The following DDX46 variants were observed in gnomAD, a reference collection of about 807,000 sequenced individuals.
DDX46 encodes the protein probable ATP-dependent RNA helicase DDX46.
Under a neutral mutation model 134.9 loss-of-function variants are expected in DDX46, and 30 were observed. The observed-to-expected ratio is 0.22, with a 90% CI of 0.17 to 0.30. The LOEUF (loss-of-function observed/expected upper bound fraction) is 0.30. Ranked by LOEUF, DDX46 falls within the 10% of genes least tolerant of loss-of-function variation. The pLI is 1.00. For synonymous variants in DDX46, 415 were observed against 404.1 expected (o/e 1.03, Z -0.32); for missense variants, 622 against 1,248.7 (o/e 0.50, Z 7.56).
intron 5 of DDX46, among the ~76,000 whole-genome samples, chr5:134,775,426 G>A (rs889950620): frequency 1.3e-5 from 2 of 151,940 alleles, no homozygotes; most frequent in African/African-American, 4.8e-5. Context: ...AAGTAGTCAT[G>A]ATGTCTTTTT....
chr5:134,812,736 C>G (rs1261662019), intron 18 of DDX46, among the ~76,000 whole-genome samples: 1 of 152,242 alleles, frequency 6.6e-6, no homozygotes, highest in African/African-American at 2.4e-5. Context: ...CTCCTGGGTT[C>G]AAGCGATTTT....
chr5:134,781,312 A>C, intron 7 of DDX46, 66 bp downstream of exon 7: 3 of 1,237,108 alleles, frequency 2.4e-6, no homozygotes, highest in Non-Finnish European at 3.4e-6. Context: ...GAAAGCATTC[A>C]TGGAGATGTG....
chr5:134,762,719 G>C (rs775016268), intron 1 of DDX46, among the ~76,000 whole-genome samples: 1 of 151,262 alleles, frequency 6.6e-6, no homozygotes, highest in Non-Finnish European at 1.5e-5. Flanking sequence ...GGCAACAAGA[G>C]TGCGACTCTG....
intron 2 of DDX46, 90 bp from the exon 3 acceptor site, chr5:134,766,827 T>A: frequency 2.1e-6 from 3 of 1,434,252 alleles, no homozygotes; most frequent in Non-Finnish European, 2.8e-6. Context: ...TGGTAGTGAT[T>A]AAGATTCTTT....
Position 134,818,113 on chromosome 5 carries a change from C to A in DDX46, c.2832+399C>A, listed in dbSNP as rs550024738. 9.9e-5 allele frequency among the ~76,000 whole-genome samples: 15 copies of A among 151,958 alleles called. No individual in the cohort carries two copies. In the South Asian group the frequency reaches 3.1e-3, roughly 32 times the overall value. ...TACAGGCATGCGCCACCATGCCCAG[C>A]TTATTTTTGTATTTTTAGTATTTTT... is the stretch of plus-strand genomic sequence containing the variant. On this transcript the variant is annotated intron_variant, in intron 20 of 22. Transcript: ENST00000452510.
intron 21 of DDX46, among the ~76,000 whole-genome samples, chr5:134,825,182 A>G (rs367816402): frequency 5.9e-5 from 9 of 152,332 alleles, no homozygotes; most frequent in African/African-American, 2.2e-4. Flanking sequence ...TTAAAGTTGC[A>G]CAAAAATATC....
chr5:134,813,585 TAC>T (rs1477903130), intron 18 of DDX46, among the ~76,000 whole-genome samples: 1 of 152,202 alleles, frequency 6.6e-6, no homozygotes, highest in Non-Finnish European at 1.5e-5. Flanking sequence ...TCTCTGAAAT[TAC>T]ACACTGTCAC....
intron 15 of DDX46, among the ~76,000 whole-genome samples, chr5:134,797,962 A>G (rs1363362325): frequency 6.6e-6 from 1 of 151,890 alleles, no homozygotes; most frequent in East Asian, 1.9e-4. Context: ...ACAGACATGC[A>G]CCACCATGCC....
intron 20 of DDX46, 149 bp from the exon 21 acceptor site, chr5:134,818,711 A>G: frequency 2.0e-6 from 1 of 488,262 alleles, no homozygotes; most frequent in Non-Finnish European, 3.2e-6. Flanking sequence ...CTCAAAAGAA[A>G]AAAAAAAAAG....
At chr5:134,799,726 G>A (rs1456290097) in intron 15 of DDX46, among the ~76,000 whole-genome samples, 3 of 148,310 alleles carry the variant, frequency 2.0e-5, no homozygotes, top group East Asian at 2.0e-4. Flanking sequence ...CGACAAAAGC[G>A]AGACTCCGTC....
At chr5:134,772,698 G>A (rs1300969632) in intron 4 of DDX46, among the ~76,000 whole-genome samples, 1 of 152,138 alleles carries the variant, frequency 6.6e-6, no homozygotes, top group Non-Finnish European at 1.5e-5. Flanking sequence ...TAGAAATGGG[G>A]TTTCCCCCTG....
intron 15 of DDX46, among the ~76,000 whole-genome samples, chr5:134,805,956 TGCCTGTAATTTCA>T (rs1330676886): frequency 3.9e-5 from 6 of 152,046 alleles, no homozygotes; most frequent in Non-Finnish European, 8.8e-5. Context: ...TGGTGGCTCA[TGCCTGTAATTTCA>T]GCACTTTGGG....
chr5:134,772,670 AT>A (rs1212118370), intron 4 of DDX46, among the ~76,000 whole-genome samples: 1 of 151,936 alleles, frequency 6.6e-6, no homozygotes, highest in Non-Finnish European at 1.5e-5. Flanking sequence ...CGCCCAGCTA[AT>A]TTTTTGGTAT....
chr5:134,818,726 T>A, intron 20 of DDX46, 134 bp from the exon 21 acceptor site: 1 of 503,142 alleles, frequency 2.0e-6, no homozygotes. Context: ...AAAAAGAATA[T>A]ATATATATGG....
At chr5:134,765,210 A>C (rs1753527942) in intron 2 of DDX46, among the ~76,000 whole-genome samples, 2 of 151,564 alleles carry the variant, frequency 1.3e-5, no homozygotes, top group African/African-American at 4.8e-5. Flanking sequence ...CTGGGATTAC[A>C]GGCATGCTCC....
chr5:134,766,908 C>G lies in DDX46; in HGVS notation c.207-9C>G. 1 of 1,606,168 alleles carries G rather than the reference C, an allele frequency of 6.2e-7. No individual in the cohort carries two copies. The highest frequency in any genetic ancestry group is 8.5e-7 in the Non-Finnish European group (1 of 1,177,834). On this transcript the variant is annotated splice_polypyrimidine_tract_variant and intron_variant, in intron 2 of 22. Transcript: ENST00000452510. ...GTCATAGAATAAATGAAAAGTGTCC[C>G]CCTTTCAGACGTTCCAGAAGTAGAG...
chr5:134,775,389 A>G (rs1232648124), intron 5 of DDX46, among the ~76,000 whole-genome samples: 1 of 152,152 alleles, frequency 6.6e-6, no homozygotes, highest in African/African-American at 2.4e-5. Flanking sequence ...AAAGTTCCAA[A>G]GAATGGTTTA....
intron 14 of DDX46, among the ~76,000 whole-genome samples, chr5:134,795,547 G>T (rs1271081671): frequency 1.3e-5 from 2 of 152,132 alleles, no homozygotes; most frequent in East Asian, 3.9e-4. Context: ...GTGGTGAGTG[G>T]TGAATGGTGA....
intron 11 of DDX46, 141 bp downstream of exon 11, chr5:134,785,727 A>C: frequency 1.0e-6 from 1 of 975,944 alleles, no homozygotes; most frequent in Non-Finnish European, 1.4e-6. Flanking sequence ...TAAAAATAAT[A>C]GTAAGAATTA....
Sources: allele counts gnomAD v4.1 joint callset (sites outside exome capture counted in the v4.1 genomes callset), GRCh38; gene constraint gnomAD v4.1.1; transcripts MANE v1.5; gene names NCBI Gene and HGNC (gene_info 2026-07-23, HGNC 2026-07-21).